The following SLC4A4 variants were observed in gnomAD, a reference collection of about 807,000 sequenced individuals.
SLC4A4 encodes electrogenic sodium bicarbonate cotransporter 1.
Under a neutral mutation model 111.5 loss-of-function variants are expected in SLC4A4, and 27 were observed. The ratio of observed to expected loss-of-function variants is 0.24; its 90% CI spans 0.18 to 0.33. The LOEUF (loss-of-function observed/expected upper bound fraction) is 0.33, where lower values mean the gene tolerates loss of function less well. Among genes scored for constraint, SLC4A4 ranks in the 10% least tolerant of loss-of-function variants. The pLI is 1.00. For synonymous variants in SLC4A4, 443 were observed against 463.4 expected, an observed-to-expected ratio of 0.96 and a Z score of 0.57; for missense variants, 909 against 1,315.5, an observed-to-expected ratio of 0.69 and a Z score of 4.78.
chr4:71,371,247 T>TTC (rs1239623777), intron 6 of SLC4A4, among the ~76,000 whole-genome samples: 1 of 138,956 alleles, frequency 7.2e-6, no homozygotes, highest in African/African-American at 2.7e-5. Flanking sequence ...AGGAATGCCT[T>TTC]TTTTTTTTTT....
intron 2 of SLC4A4, among the ~76,000 whole-genome samples, chr4:71,154,134 G>C (rs1744396743): frequency 6.6e-6 from 1 of 152,150 alleles, no homozygotes; most frequent in South Asian, 2.1e-4. Flanking sequence ...GCCAATGTGA[G>C]GGTCACTGAC....
At chr4:71,276,151 CTT>C (rs1723050577) in intron 3 of SLC4A4, among the ~76,000 whole-genome samples, 1 of 152,124 alleles carries the variant, frequency 6.6e-6, no homozygotes, top group Non-Finnish European at 1.5e-5. Flanking sequence ...TTTTGAGAAA[CTT>C]TTTATTTTAA....
chr4:71,308,652 GC>G (rs1363420240), intron 3 of SLC4A4, among the ~76,000 whole-genome samples: 1 of 152,156 alleles, frequency 6.6e-6, no homozygotes, highest in East Asian at 1.9e-4. Context: ...GCCAAGGAAA[GC>G]CGTGAGGGAC....
intron 7 of SLC4A4, among the ~76,000 whole-genome samples, chr4:71,419,312 G>C (rs1265715212): frequency 6.6e-6 from 1 of 152,230 alleles, no homozygotes; most frequent in East Asian, 1.9e-4. Context: ...AGCCTACAGA[G>C]GCAGGCAGGC....
At chr4:71,232,869 G>A (rs1296023954) in intron 1 of SLC4A4, among the ~76,000 whole-genome samples, 1 of 152,242 alleles carries the variant, frequency 6.6e-6, no homozygotes, top group Non-Finnish European at 1.5e-5. Context: ...ACATGAAATT[G>A]TGTTGGACTC....
At chr4:71,237,272 C>A (rs1314412169) in intron 2 of SLC4A4, among the ~76,000 whole-genome samples, 1 of 152,172 alleles carries the variant, frequency 6.6e-6, no homozygotes, top group Non-Finnish European at 1.5e-5. Context: ...CGGGCATTCC[C>A]TTTTCCTGTC....
intron 6 of SLC4A4, among the ~76,000 whole-genome samples, chr4:71,359,604 A>G (rs965472108): frequency 3.9e-5 from 6 of 152,208 alleles, no homozygotes; most frequent in African/African-American, 1.4e-4. Context: ...TCTTTAAAAA[A>G]CTATGAAATG....
chr4:71,366,483 C>A (rs1731336751), intron 6 of SLC4A4, among the ~76,000 whole-genome samples: 2 of 152,042 alleles, frequency 1.3e-5, no homozygotes, highest in Non-Finnish European at 2.9e-5. Context: ...ACATCTTTTT[C>A]TACAGTCTAA....
chr4:71,182,714 T>TCACACA (rs77414889), upstream of SLC4A4, among the ~76,000 whole-genome samples: 292 of 146,440 alleles, frequency 2.0e-3, 1 homozygote, highest in African/African-American at 2.6e-3. Flanking sequence ...TATGTACATT[T>TCACACA]CACACACACA....
At chr4:71,235,287 G>A (rs762462688) in intron 1 of SLC4A4, among the ~76,000 whole-genome samples, 8 of 152,194 alleles carry the variant, frequency 5.3e-5, no homozygotes, top group Admixed American at 1.3e-4. Flanking sequence ...AGATGGATAT[G>A]CTTCTAAAAT....
intron 21 of SLC4A4, among the ~76,000 whole-genome samples, chr4:71,556,634 T>C (rs186615647): frequency 6.6e-6 from 1 of 152,088 alleles, no homozygotes; most frequent in African/African-American, 2.4e-5. Flanking sequence ...TCTTTCTTTC[T>C]TTCTCGATTC....
At position 71,472,456 on chromosome 4, in the gene SLC4A4, C is replaced by T. The variant is rs1727967980; in HGVS notation, c.1632-243C>T. Reference sequence around the variant, plus strand: ...TGAATGAGAAAAATAATAAGGTTTTCACATATAAATGATATAACTACTTTC... The same window carrying T: ...TGAATGAGAAAAATAATAAGGTTTTTACATATAAATGATATAACTACTTTC... On this transcript the variant is annotated intron_variant, in intron 13 of 25. Coordinates refer to ENST00000264485, the MANE Select transcript of SLC4A4 (RefSeq NM_001098484.3). 3.3e-5 allele frequency among the ~76,000 whole-genome samples: 5 copies of T among 151,860 alleles called. No individual in the cohort carries two copies. In the South Asian group the frequency reaches 6.2e-4, roughly 19 times the overall value.
chr4:71,178,997 T>C (rs535809913), intron 2 of SLC4A4, among the ~76,000 whole-genome samples: 3 of 152,324 alleles, frequency 2.0e-5, no homozygotes, highest in Admixed American at 2.0e-4. Context: ...ATCAAAAAGC[T>C]TGTCCACCAT....
chr4:71,146,370 A>T (rs1270592863), intron 2 of SLC4A4, among the ~76,000 whole-genome samples: 3 of 152,132 alleles, frequency 2.0e-5, no homozygotes, highest in African/African-American at 7.2e-5. Flanking sequence ...ACTTCCAACT[A>T]TGTGGTCAAT....
chr4:71,353,962 C>T (rs1730069826), intron 5 of SLC4A4, among the ~76,000 whole-genome samples: 1 of 152,152 alleles, frequency 6.6e-6, no homozygotes. Context: ...AAAAATTCAG[C>T]CTATTTTTGA....
chr4:71,103,547 AG>A (rs1742825081), intron 2 of SLC4A4, among the ~76,000 whole-genome samples: 1 of 152,230 alleles, frequency 6.6e-6, no homozygotes, highest in Non-Finnish European at 1.5e-5. Context: ...CAAATGTAAA[AG>A]AACAGAGATT....
intron 7 of SLC4A4, among the ~76,000 whole-genome samples, chr4:71,439,676 A>G (rs939923466): frequency 2.6e-5 from 4 of 151,384 alleles, no homozygotes; most frequent in Non-Finnish European, 4.4e-5. Context: ...TCCTATACAA[A>G]TTAGGGTGAC....
At chr4:71,252,994 T>G (rs1478487497) in intron 2 of SLC4A4, among the ~76,000 whole-genome samples, 2 of 152,184 alleles carry the variant, frequency 1.3e-5, no homozygotes, top group African/African-American at 4.8e-5. Context: ...ACCATAGCAC[T>G]TCACAGTGCA....
In SLC4A4 at chr4:71,236,573, T is replaced by C; in HGVS notation, c.-1-3T>C. 6 of 1,612,418 alleles carry C rather than the reference T, an allele frequency of 3.7e-6. No homozygotes were observed. In the South Asian group the frequency reaches 4.4e-5, roughly 12 times the overall value. ...ATTCTTTTTTTCTTTTTTATTACTA[T>C]AGGATGGAGGATGAAGCTGTCCTGG... On this transcript the variant is annotated splice_polypyrimidine_tract_variant and splice_region_variant and intron_variant, in intron 1 of 25. Transcript: ENST00000264485.
Sources: allele counts gnomAD v4.1 joint callset (sites outside exome capture counted in the v4.1 genomes callset), GRCh38; gene constraint gnomAD v4.1.1; transcripts MANE v1.5; gene names NCBI Gene and HGNC (gene_info 2026-07-23, HGNC 2026-07-21).